The following FNIP2 variants were observed in gnomAD, a reference collection of about 807,000 sequenced individuals.
FNIP2 encodes the protein folliculin-interacting protein 2.
FNIP2 carries 32 observed loss-of-function variants against 108.7 expected under a neutral mutation model. The ratio of observed to expected loss-of-function variants is 0.29; its 90% CI spans 0.22 to 0.40. The LOEUF (loss-of-function observed/expected upper bound fraction) is 0.40. FNIP2 is among the 10% of genes least tolerant of loss of function. The pLI is 1.00. For missense variants in FNIP2, 1,202 were observed against 1,381.6 expected (o/e 0.87, Z 2.06); for synonymous variants, 480 against 496.7 (o/e 0.97, Z 0.45).
intron 14 of FNIP2, among the ~76,000 whole-genome samples, chr4:158,889,460 T>C (rs1031830187): frequency 2.6e-5 from 4 of 152,196 alleles, no homozygotes; most frequent in South Asian, 2.1e-4. Context: ...ATATAACTTA[T>C]AGTCTATGCA....
In FNIP2 at chr4:158,822,269, C is replaced by A. The variant is rs1019646526; in HGVS notation, c.108-3647C>A. 2.6e-5 allele frequency among the ~76,000 whole-genome samples: 4 copies of A among 150,990 alleles called. No individual in the cohort carries two copies. In the South Asian group the frequency reaches 8.4e-4, roughly 32 times the overall value. On this transcript the variant is annotated intron_variant, in intron 1 of 16. Transcript: ENST00000264433. Reference sequence around the variant, plus strand: ...CTCAGCTCACAGCAGCCTCGACTTCCCGAGCTCAGGTGATTCTACCACCTC... The same window carrying A: ...CTCAGCTCACAGCAGCCTCGACTTCACGAGCTCAGGTGATTCTACCACCTC...
chr4:158,823,081 T>C (rs1777971655), intron 1 of FNIP2, among the ~76,000 whole-genome samples: 1 of 152,202 alleles, frequency 6.6e-6, no homozygotes, highest in Non-Finnish European at 1.5e-5. Context: ...TCTTCAAAAA[T>C]AAGGATTGAA....
chr4:158,871,961 T>G (rs1780977793), intron 14 of FNIP2: 7 of 985,390 alleles, frequency 7.1e-6, no homozygotes, highest in Non-Finnish European at 8.4e-6. Context: ...ACCTTTTCTG[T>G]CCGCTCCTAT....
chr4:158,903,396 G>A (rs923541247), intron 16 of FNIP2, among the ~76,000 whole-genome samples: 2 of 152,154 alleles, frequency 1.3e-5, no homozygotes, highest in Non-Finnish European at 2.9e-5. Flanking sequence ...CTTGCTGGGA[G>A]CTGCAGACCA....
intron 1 of FNIP2, among the ~76,000 whole-genome samples, chr4:158,771,390 T>C (rs1775692998): frequency 6.6e-6 from 1 of 152,206 alleles, no homozygotes; most frequent in African/African-American, 2.4e-5. Context: ...TAAGATGCTG[T>C]GTAGCTGGCC....
At chr4:158,849,545 G>A (rs577550719) in intron 7 of FNIP2, among the ~76,000 whole-genome samples, 1 of 152,292 alleles carries the variant, frequency 6.6e-6, no homozygotes, top group East Asian at 1.9e-4. Context: ...CCCTAGAGAT[G>A]TGGGAGGGGG....
chr4:158,875,514 T>TTATATATA (rs1342784343), intron 14 of FNIP2, among the ~76,000 whole-genome samples: 1 of 8,714 alleles, frequency 1.1e-4, no homozygotes, highest in Non-Finnish European at 1.9e-4. Flanking sequence ...AGCCTGGCTG[T>TTATATATA]GATATATATA....
At chr4:158,826,078 G>T in intron 2 of FNIP2, 36 bp downstream of exon 2, 1 of 1,590,980 alleles carries the variant, frequency 6.3e-7, no homozygotes, top group Non-Finnish European at 8.6e-7. Flanking sequence ...CTTTTCTTTT[G>T]TGCTTTTAAC....
chr4:158,802,931 G>A (rs777636862), intron 1 of FNIP2, among the ~76,000 whole-genome samples: 4 of 152,206 alleles, frequency 2.6e-5, no homozygotes, highest in Admixed American at 2.0e-4. Flanking sequence ...CCTGGTACAT[G>A]AGATTGGAAA....
intron 14 of FNIP2, among the ~76,000 whole-genome samples, chr4:158,874,649 A>G (rs1781157085): frequency 1.3e-5 from 2 of 151,196 alleles, no homozygotes; most frequent in Non-Finnish European, 3.0e-5. Context: ...GCAAGACCTC[A>G]TCTCAGTAAA....
chr4:158,800,505 ATAAAGCTTG>A (rs1338327823), intron 1 of FNIP2, among the ~76,000 whole-genome samples: 14 of 152,346 alleles, frequency 9.2e-5, no homozygotes, highest in Non-Finnish European at 1.9e-4. Flanking sequence ...TTCTCTTAAA[ATAAAGCTTG>A]CAGAATTATT....
chr4:158,885,403 A>G (rs1409477314), intron 14 of FNIP2, among the ~76,000 whole-genome samples: 4 of 152,154 alleles, frequency 2.6e-5, no homozygotes, highest in Non-Finnish European at 5.9e-5. Context: ...AACAGTTTTA[A>G]CTTAATGGTT....
At chr4:158,898,899 G>A (rs1782940806) in intron 16 of FNIP2, among the ~76,000 whole-genome samples, 1 of 152,246 alleles carries the variant, frequency 6.6e-6, no homozygotes, top group African/African-American at 2.4e-5. Flanking sequence ...AGTGGTGAGA[G>A]AGAGCATCCT....
intron 7 of FNIP2, among the ~76,000 whole-genome samples, chr4:158,849,044 C>T (rs1378631542): frequency 6.6e-6 from 1 of 152,180 alleles, no homozygotes; most frequent in Non-Finnish European, 1.5e-5. Flanking sequence ...CTTGATCTCT[C>T]TGTGTGGCAT....
intron 1 of FNIP2, among the ~76,000 whole-genome samples, chr4:158,778,694 GA>G (rs1183107241): frequency 6.6e-6 from 1 of 152,128 alleles, no homozygotes; most frequent in Non-Finnish European, 1.5e-5. Context: ...GTATGTATGG[GA>G]AAAAACATAG....
At chr4:158,799,230 G>A (rs1776684670) in intron 1 of FNIP2, among the ~76,000 whole-genome samples, 2 of 152,216 alleles carry the variant, frequency 1.3e-5, no homozygotes, top group Admixed American at 1.3e-4. Flanking sequence ...AGGAATCCAG[G>A]CATCAGCAAC....
At chr4:158,880,082 C>T (rs1323859684) in intron 14 of FNIP2, among the ~76,000 whole-genome samples, 4 of 150,130 alleles carry the variant, frequency 2.7e-5, no homozygotes, top group Non-Finnish European at 4.4e-5. Context: ...ACCCAGCCAT[C>T]GCATTACTGG....
chr4:158,815,735 A>G (rs931260183), intron 1 of FNIP2, among the ~76,000 whole-genome samples: 2 of 152,196 alleles, frequency 1.3e-5, no homozygotes, highest in Non-Finnish European at 2.9e-5. Flanking sequence ...GAGATAGTCT[A>G]TACGTGTATA....
At chr4:158,831,175 A>G (rs1442808163) in intron 3 of FNIP2, among the ~76,000 whole-genome samples, 4 of 152,180 alleles carry the variant, frequency 2.6e-5, no homozygotes, top group African/African-American at 9.7e-5. Context: ...GATTTGACCA[A>G]GAGGGAGGAG....
Sources: gnomAD v4.1 joint callset for allele counts (sites outside exome capture counted in the v4.1 genomes callset) on GRCh38, gnomAD v4.1.1 for gene constraint, MANE v1.5 for transcripts, NCBI Gene and HGNC (gene_info 2026-07-23, HGNC 2026-07-21) for gene names.